The following RPSA2 variants were observed in gnomAD, a reference collection of about 807,000 sequenced individuals.
The protein encoded by RPSA2 is ribosomal protein SA 2.
chr19:23,839,898 C>T, the RPSA2 span, among the ~76,000 whole-genome samples: 1 of 152,164 alleles, frequency 6.6e-6, no homozygotes, highest in East Asian at 1.9e-4. Flanking sequence ...CCAGTGGGGT[C>T]GTTGTGTTCA....
chr19:23,862,443 C>T, the RPSA2 span, among the ~76,000 whole-genome samples: 322 of 151,498 alleles, frequency 2.1e-3, 2 homozygotes, highest in Non-Finnish European at 3.7e-3. Flanking sequence ...AGAGGGCATC[C>T]CTGTCTTGTG....
At chr19:23,845,665 AT>A in the RPSA2 span, among the ~76,000 whole-genome samples, 2 of 151,970 alleles carry the variant, frequency 1.3e-5, no homozygotes, top group Admixed American at 6.6e-5. Flanking sequence ...CTATTTTTAA[AT>A]TTTTTTTGTA....
chr19:23,833,444 GA>G, the RPSA2 span: 1 of 162,984 alleles, frequency 6.1e-6, no homozygotes, highest in African/African-American at 2.4e-5. Context: ...TAAACATAAA[GA>G]AAATCATGCT....
the RPSA2 span, among the ~76,000 whole-genome samples, chr19:23,788,088 G>C: frequency 2.0e-5 from 3 of 152,178 alleles, no homozygotes; most frequent in Non-Finnish European, 4.4e-5. Flanking sequence ...CTCTTGGCCA[G>C]TCGCCTAAAT....
At chr19:23,866,513 G>GCACCCCCC in the RPSA2 span, among the ~76,000 whole-genome samples, 1 of 142,284 alleles carries the variant, frequency 7.0e-6, no homozygotes, top group Non-Finnish European at 1.5e-5. Flanking sequence ...ACAATGTGGT[G>GCACCCCCC]CCCCCCCCCG....
the RPSA2 span, among the ~76,000 whole-genome samples, chr19:23,856,792 C>T: frequency 0.011 from 1,649 of 152,190 alleles, 33 homozygotes; most frequent in African/African-American, 0.038. Flanking sequence ...ACAAAACCAG[C>T]AGGTTTTTAT....
chr19:23,837,351 T>C, the RPSA2 span, among the ~76,000 whole-genome samples: 5 of 135,288 alleles, frequency 3.7e-5, no homozygotes, highest in Admixed American at 4.0e-4. Flanking sequence ...CCTATTTTTA[T>C]ACCAGGACCA....
At chr19:23,864,449 G>A in the RPSA2 span, among the ~76,000 whole-genome samples, 11 of 152,134 alleles carry the variant, frequency 7.2e-5, no homozygotes, top group African/African-American at 2.7e-4. Flanking sequence ...ATACCCCAAA[G>A]CATAGAAAAT....
the RPSA2 span, chr19:23,842,704 C>A: frequency 6.6e-6 from 1 of 152,276 alleles, no homozygotes; most frequent in Non-Finnish European, 1.5e-5. Context: ...TCCTAATATA[C>A]CCTAAGGCTT....
At chr19:23,782,189 G>A in the RPSA2 span, 2 of 152,238 alleles carry the variant, frequency 1.3e-5, no homozygotes, top group East Asian at 3.8e-4. Context: ...CCCTGGAAAT[G>A]TGATTTACTT....
At chr19:23,863,803 G>A in the RPSA2 span, among the ~76,000 whole-genome samples, 4 of 152,250 alleles carry the variant, frequency 2.6e-5, no homozygotes, top group South Asian at 8.3e-4. Context: ...TTTGACTAGT[G>A]TTAACCACTC....
At chr19:23,791,006 G>A in the RPSA2 span, among the ~76,000 whole-genome samples, 1 of 152,228 alleles carries the variant, frequency 6.6e-6, no homozygotes, top group Admixed American at 6.5e-5. Flanking sequence ...ATGTCCTGGA[G>A]CCCTCTCTGG....
chr19:23,784,025 T>C, the RPSA2 span, among the ~76,000 whole-genome samples: 1 of 152,196 alleles, frequency 6.6e-6, no homozygotes, highest in Non-Finnish European at 1.5e-5. Flanking sequence ...ACACAGTTGA[T>C]GTGACTCTTG....
chr19:23,783,885 G>C, the RPSA2 span, among the ~76,000 whole-genome samples: 1 of 152,160 alleles, frequency 6.6e-6, no homozygotes, highest in African/African-American at 2.4e-5. Flanking sequence ...GCATGCAGGT[G>C]ATCTTACTCT....
the RPSA2 span, chr19:23,807,708 T>G: frequency 9.0e-6 from 2 of 221,760 alleles, no homozygotes; most frequent in East Asian, 3.0e-4. Context: ...TTGGATAATT[T>G]CAGTCACTCT....
the RPSA2 span, among the ~76,000 whole-genome samples, chr19:23,761,930 T>TCCTTCCTTCCTTCCTTCCTTCC: frequency 7.1e-5 from 9 of 127,440 alleles, 1 homozygote; most frequent in Admixed American, 2.6e-4. Context: ...CTTTTTTTTT[T>TCCTTCCTTCCTTCCTTCCTTCC]TTTTTGAGAT....
chr19:23,852,660 T>G, the RPSA2 span, among the ~76,000 whole-genome samples: 1 of 152,176 alleles, frequency 6.6e-6, no homozygotes, highest in African/African-American at 2.4e-5. Flanking sequence ...CTCATTCCCA[T>G]AAACCCACAT....
At chr19:23,870,626 G>C in the RPSA2 span, among the ~76,000 whole-genome samples, 2 of 152,132 alleles carry the variant, frequency 1.3e-5, no homozygotes, top group Non-Finnish European at 2.9e-5. Flanking sequence ...TCAATCCTTG[G>C]AACTATCTAA....
the RPSA2 span, among the ~76,000 whole-genome samples, chr19:23,765,136 C>T: frequency 2.0e-5 from 3 of 152,130 alleles, no homozygotes; most frequent in Non-Finnish European, 4.4e-5. Context: ...AAAAAGCTAA[C>T]CTCTTAGAAA....
Sources: allele counts gnomAD v4.1 joint callset (sites outside exome capture counted in the v4.1 genomes callset), GRCh38; gene constraint gnomAD v4.1.1; transcripts MANE v1.5; gene names NCBI Gene and HGNC (gene_info 2026-07-23, HGNC 2026-07-21).